POLN: variants seen among roughly 807,000 people sequenced by gnomAD.
POLN encodes DNA polymerase nu, also known as DNA polymerase N.
In POLN, 108 loss-of-function variants were observed where a neutral mutation model predicts 113.5. The observed-to-expected ratio is 0.95, with a 90% CI of 0.81 to 1.12. The LOEUF (loss-of-function observed/expected upper bound fraction) is 1.12. Ranked by LOEUF, POLN falls within the 50% of genes most tolerant of loss-of-function variation. The pLI is 0.00. For synonymous variants in POLN, 386 were observed against 391.5 expected, an observed-to-expected ratio of 0.99 and a Z score of 0.17; for missense variants, 1,097 against 1,077.1, an observed-to-expected ratio of 1.02 and a Z score of -0.26.
chr4:2,213,029 A>T lies in POLN; in HGVS notation c.213+18T>A. 1.9e-6 allele frequency: 3 copies of T among 1,554,408 alleles called. No homozygotes were observed. Among genetic ancestry groups the T allele is most frequent in the East Asian group, 2.3e-5 (1 of 44,230 alleles). ...ATAAGTTATCTATTTAAAATTACTC[A>T]TATGTGCAATGATTTACCTTTTTTT... On this transcript the variant is annotated intron_variant, in intron 4 of 25. Transcript: ENST00000511885.
Position 2,095,937 on chromosome 4 carries a change from C to T in POLN, c.1983-4G>A. On this transcript the variant is annotated splice_polypyrimidine_tract_variant and splice_region_variant and intron_variant, in intron 19 of 25. Coordinates refer to ENST00000511885, the MANE Select transcript of POLN (RefSeq NM_181808.4). ...CTGTTCCACGGGCACATCCTTCCTGCATGGAGAGACCATGTGTGAAGTTCA... is the reference window on the plus strand; with the variant it reads ...CTGTTCCACGGGCACATCCTTCCTGTATGGAGAGACCATGTGTGAAGTTCA... The T allele has an allele frequency of 1.2e-6, 2 of 1,613,988 alleles. No homozygotes were observed. The highest frequency in any genetic ancestry group is 1.7e-6 in the Non-Finnish European group (2 of 1,179,882).
chr4:2,091,761 C>CTGTGTGTGTGTG (rs765518897), intron 20 of POLN, among the ~76,000 whole-genome samples: 151 of 145,206 alleles, frequency 1.0e-3, no homozygotes, highest in South Asian at 8.0e-3. Flanking sequence ...ACACGTGAAT[C>CTGTGTGTGTGTG]TGTGTGTGTG....
Position 2,085,728 on chromosome 4 carries a change from A to C in POLN, c.2082T>G (p.Ala694=), listed in dbSNP as rs754731059. The change falls in exon 21 of 26, where the codon GCT becomes GCG. Residue 694 remains alanine (A), a synonymous_variant. Coordinates refer to ENST00000511885, the MANE Select transcript of POLN (RefSeq NM_181808.4). ...VVYGAGKERL[A]ACLGVPIQEA... is the part of the protein sequence containing the mutation. Reference sequence around the variant, plus strand: ...CCTGAATAGGAACTCCAAGGCAAGCAGCCAGCCGCTCCTTCCCTGTCAGTC... The same window carrying C: ...CCTGAATAGGAACTCCAAGGCAAGCCGCCAGCCGCTCCTTCCCTGTCAGTC... 6.2e-7 allele frequency: 1 copy of C among 1,613,836 alleles called. No individual in the cohort carries two copies. Among genetic ancestry groups the C allele is most frequent in the Non-Finnish European group, 8.5e-7 (1 of 1,180,030 alleles).
At chr4:2,168,796 A>G (rs192865164) in intron 13 of POLN, among the ~76,000 whole-genome samples, 1 of 152,212 alleles carries the variant, frequency 6.6e-6, no homozygotes, top group Non-Finnish European at 1.5e-5. Context: ...GAACCATCTT[A>G]TATGACCCAG....
chr4:2,225,563 AAAG>A (rs1181023276), intron 3 of POLN, among the ~76,000 whole-genome samples: 1 of 151,996 alleles, frequency 6.6e-6, no homozygotes, highest in East Asian at 1.9e-4. Flanking sequence ...CAAAAAAAAG[AAAG>A]AAAAGAAAAG....
At chr4:2,112,489 G>A (rs915285283) in intron 19 of POLN, among the ~76,000 whole-genome samples, 1 of 152,090 alleles carries the variant, frequency 6.6e-6, no homozygotes, top group African/African-American at 2.4e-5. Context: ...CTACTCATCT[G>A]ACAAAGGGCT....
chr4:2,155,334 C>T (rs1245377518), intron 16 of POLN, among the ~76,000 whole-genome samples: 1 of 152,202 alleles, frequency 6.6e-6, no homozygotes, highest in Non-Finnish European at 1.5e-5. Flanking sequence ...ATAAAGACCC[C>T]AGAAGAGCTC....
intron 3 of POLN, among the ~76,000 whole-genome samples, chr4:2,224,045 C>T (rs927035358): frequency 6.6e-6 from 1 of 152,126 alleles, no homozygotes; most frequent in African/African-American, 2.4e-5. Flanking sequence ...AACTTTTGAA[C>T]TCTTTTATAA....
In POLN at chr4:2,198,379, C is replaced by A. The variant is rs563521757; in HGVS notation, c.908+145G>T. On this transcript the variant is annotated intron_variant, in intron 6 of 25. Transcript: ENST00000511885. ...AGAGGGCCAGTATTTGCAGAGATTTCTATCACTTGGATCCATTTTATTTTC... is the reference window on the plus strand; with the variant it reads ...AGAGGGCCAGTATTTGCAGAGATTTATATCACTTGGATCCATTTTATTTTC... 239 of 642,740 alleles carry A rather than the reference C, an allele frequency of 3.7e-4. 1 individual carries two copies. The African/African-American group carries it at 4.2e-3, about 11-fold the overall frequency. 39.8% of individuals were successfully genotyped at this position (642,740 alleles called of 1,614,324 possible). A position where few individuals can be genotyped will look rare whatever the true frequency, so the allele number is the denominator to read the frequency against.
intron 20 of POLN, chr4:2,090,190 T>C (rs1730633137): frequency 1.1e-6 from 1 of 921,452 alleles, no homozygotes; most frequent in East Asian, 2.5e-5. Context: ...TCCTTACCTT[T>C]TGCTATCTTT....
intron 7 of POLN, among the ~76,000 whole-genome samples, chr4:2,189,350 A>G (rs185157051): frequency 1.3e-5 from 2 of 152,374 alleles, no homozygotes; most frequent in East Asian, 1.9e-4. Context: ...TAAAATATCA[A>G]TGTTACCGGC....
chr4:2,089,944 G>C, intron 20 of POLN: 8 of 989,066 alleles, frequency 8.1e-6, no homozygotes, highest in Non-Finnish European at 1.2e-5. Context: ...GTTAGCTAGT[G>C]AAAGTTCTTT....
At chr4:2,146,492 A>G (rs1227380379) in intron 16 of POLN, among the ~76,000 whole-genome samples, 1 of 152,228 alleles carries the variant, frequency 6.6e-6, no homozygotes, top group Non-Finnish European at 1.5e-5. Flanking sequence ...CAACAAGAGC[A>G]AAACTCCATC....
At chr4:2,075,387 T>C in intron 24 of POLN, 65 bp downstream of exon 24, 6 of 1,541,312 alleles carry the variant, frequency 3.9e-6, no homozygotes, top group South Asian at 1.1e-5. Context: ...GCTGTGCCCA[T>C]GGGGCATGGA....
At chr4:2,159,085 T>C (rs774378414) in intron 14 of POLN, 70 bp downstream of exon 14, 4 of 1,181,176 alleles carry the variant, frequency 3.4e-6, no homozygotes, top group Non-Finnish European at 5.0e-6. Context: ...GGATTTGTGT[T>C]GACAGACACA....
intron 19 of POLN, among the ~76,000 whole-genome samples, chr4:2,100,241 AT>A (rs1238483324): frequency 6.6e-6 from 1 of 152,162 alleles, no homozygotes; most frequent in Non-Finnish European, 1.5e-5. Flanking sequence ...GGTTTTTGTT[AT>A]TTTGATAACT....
At chr4:2,161,073 C>G (rs1323718907) in intron 13 of POLN, among the ~76,000 whole-genome samples, 1 of 152,146 alleles carries the variant, frequency 6.6e-6, no homozygotes, top group Non-Finnish European at 1.5e-5. Context: ...CACCCAGGCT[C>G]GAGTGCAGTG....
At chr4:2,240,581 T>C (rs1560107100) in intron 2 of POLN, 1 of 1,612,878 alleles carries the variant, frequency 6.2e-7, no homozygotes, top group East Asian at 2.2e-5. Context: ...TCAATTGACA[T>C]TTATTACGTC....
rs1169237763 is a variant in POLN, at chr4:2,075,445, AGGC to A, written c.2455+4_2455+6del. The A allele has an allele frequency of 3.5e-5, 57 of 1,613,256 alleles. No homozygotes were observed. In the Admixed American group the frequency reaches 9.5e-4, roughly 27 times the overall value. On this transcript the variant is annotated splice_donor_5th_base_variant and intron_variant, in intron 24 of 25. Coordinates refer to ENST00000511885, the MANE Select transcript of POLN (RefSeq NM_181808.4). Reference sequence around the variant, plus strand: ...TGTCCAAGCAACCCTGTGTTGCCCCAGGCTACCTGCACACTCCGGGATCTGCGG... The same window carrying A: ...TGTCCAAGCAACCCTGTGTTGCCCCATACCTGCACACTCCGGGATCTGCGG...
Sources: allele counts gnomAD v4.1 joint callset (sites outside exome capture counted in the v4.1 genomes callset), GRCh38; gene constraint gnomAD v4.1.1; transcripts MANE v1.5; gene names NCBI Gene and HGNC (gene_info 2026-07-23, HGNC 2026-07-21).